Variants in ZCWPW2 observed in about 807,000 individuals in gnomAD.
ZCWPW2 encodes zinc finger CW-type and PWWP domain containing 2.
Under a neutral mutation model 46.6 loss-of-function variants are expected in ZCWPW2, and 45 were observed. That is an observed-to-expected ratio of 0.96 (90% CI 0.76 to 1.24). ZCWPW2 has a LOEUF of 1.24. Among genes scored for constraint, ZCWPW2 ranks in the 50% most tolerant of loss-of-function variants. ZCWPW2 has a pLI of 0.00. For synonymous variants in ZCWPW2, 152 were observed against 137.1 expected, an observed-to-expected ratio of 1.11 and a Z score of -0.76; for missense variants, 429 against 403.9, an observed-to-expected ratio of 1.06 and a Z score of -0.53.
intron 4 of ZCWPW2, among the ~76,000 whole-genome samples, chr3:28,437,664 T>G (rs1488203811): frequency 6.6e-6 from 1 of 152,218 alleles, no homozygotes; most frequent in Non-Finnish European, 1.5e-5. Flanking sequence ...AACTATTCAT[T>G]GATACACTGA....
At chr3:28,396,634 T>C (rs991353575) in intron 2 of ZCWPW2, among the ~76,000 whole-genome samples, 6 of 151,468 alleles carry the variant, frequency 4.0e-5, no homozygotes, top group Non-Finnish European at 1.5e-5. Flanking sequence ...CCCAGGAGAG[T>C]TGCATAATCT....
At chr3:28,431,454 C>G (rs1697255727) in intron 3 of ZCWPW2, among the ~76,000 whole-genome samples, 1 of 151,956 alleles carries the variant, frequency 6.6e-6, no homozygotes, top group African/African-American at 2.4e-5. Context: ...TTGCTGTGCC[C>G]TATCATGGTC....
At chr3:28,376,093 A>G (rs1575064559) in intron 1 of ZCWPW2, among the ~76,000 whole-genome samples, 1 of 152,138 alleles carries the variant, frequency 6.6e-6, no homozygotes, top group East Asian at 1.9e-4. Flanking sequence ...AATCAGTGCT[A>G]CAGCAAACAT....
At chr3:28,464,996 T>C (rs78005069) in intron 4 of ZCWPW2, among the ~76,000 whole-genome samples, 2,008 of 152,344 alleles carry the variant, frequency 0.013, 51 homozygotes, top group African/African-American at 0.045. Flanking sequence ...GAATAATTAT[T>C]TGTTAAATAT....
chr3:28,472,884 A>T (rs778425940), intron 4 of ZCWPW2, among the ~76,000 whole-genome samples: 1 of 152,082 alleles, frequency 6.6e-6, no homozygotes. Context: ...TAGGAAAAAA[A>T]AAACAAACTA....
At chr3:28,509,797 C>T (rs1408244457) in intron 6 of ZCWPW2, among the ~76,000 whole-genome samples, 3 of 151,750 alleles carry the variant, frequency 2.0e-5, no homozygotes, top group South Asian at 4.1e-4. Flanking sequence ...TGATTGTGTC[C>T]GTTAAAATCA....
At chr3:28,427,917 T>C (rs1575121318) in intron 3 of ZCWPW2, 2 of 152,230 alleles carry the variant, frequency 1.3e-5, no homozygotes, top group South Asian at 4.1e-4. Context: ...GTTTTAACAC[T>C]GTAATGTAAC....
chr3:28,386,199 G>T (rs1007516725), intron 1 of ZCWPW2, among the ~76,000 whole-genome samples: 1 of 152,054 alleles, frequency 6.6e-6, no homozygotes, highest in Non-Finnish European at 1.5e-5. Context: ...ATCCTGATCT[G>T]GGAGGATTAA....
intron 2 of ZCWPW2, among the ~76,000 whole-genome samples, chr3:28,402,050 A>G (rs1018726171): frequency 1.3e-5 from 2 of 151,750 alleles, no homozygotes; most frequent in Non-Finnish European, 2.9e-5. Flanking sequence ...ACCAAGCAGA[A>G]GAAAGGAAAC....
intron 5 of ZCWPW2, among the ~76,000 whole-genome samples, chr3:28,484,968 T>C (rs527357786): frequency 6.6e-6 from 1 of 152,268 alleles, no homozygotes; most frequent in Admixed American, 6.5e-5. Context: ...CTTTTTCTTC[T>C]AGTTTCCAAA....
intron 6 of ZCWPW2, among the ~76,000 whole-genome samples, chr3:28,506,094 T>TAA (rs1423621324): frequency 6.8e-6 from 1 of 147,176 alleles, no homozygotes; most frequent in African/African-American, 2.5e-5. Context: ...ATTATATATA[T>TAA]AATATATAAT....
intron 4 of ZCWPW2, among the ~76,000 whole-genome samples, chr3:28,476,348 GT>G (rs1194994053): frequency 6.6e-6 from 1 of 152,080 alleles, no homozygotes; most frequent in Admixed American, 6.6e-5. Context: ...TAGATCCTTA[GT>G]TTTTTGAGTT....
At chr3:28,387,758 C>A (rs1306224801) in intron 1 of ZCWPW2, among the ~76,000 whole-genome samples, 2 of 152,104 alleles carry the variant, frequency 1.3e-5, no homozygotes, top group Non-Finnish European at 2.9e-5. Flanking sequence ...ATTAAACTGG[C>A]AAAATCTTTC....
intron 1 of ZCWPW2, among the ~76,000 whole-genome samples, chr3:28,381,875 A>G (rs1373295338): frequency 1.3e-5 from 2 of 152,158 alleles, no homozygotes; most frequent in Non-Finnish European, 2.9e-5. Context: ...CTTAAAGAAC[A>G]GAAATTTGGC....
At chr3:28,443,030 A>G (rs1697832586) in intron 4 of ZCWPW2, among the ~76,000 whole-genome samples, 1 of 152,160 alleles carries the variant, frequency 6.6e-6, no homozygotes, top group African/African-American at 2.4e-5. Context: ...AAATATGTCT[A>G]TGCGAATTAT....
chr3:28,437,226 G>T (rs1298775577), intron 4 of ZCWPW2, among the ~76,000 whole-genome samples: 2 of 152,152 alleles, frequency 1.3e-5, no homozygotes, highest in African/African-American at 4.8e-5. Flanking sequence ...TCTAAAACCA[G>T]ATGAAGAATG....
At chr3:28,372,861 C>T (rs897097297) in intron 1 of ZCWPW2, among the ~76,000 whole-genome samples, 7 of 152,100 alleles carry the variant, frequency 4.6e-5, no homozygotes, top group South Asian at 2.1e-4. Context: ...CACTTACAAG[C>T]GAGAACTTGT....
chr3:28,395,090 G>A (rs936473843), intron 2 of ZCWPW2, among the ~76,000 whole-genome samples: 1 of 152,002 alleles, frequency 6.6e-6, no homozygotes, highest in Non-Finnish European at 1.5e-5. Context: ...TAGAAAATGA[G>A]CCAACGACTT....
chr3:28,380,322 A>G (rs911333899), intron 1 of ZCWPW2, among the ~76,000 whole-genome samples: 2 of 151,312 alleles, frequency 1.3e-5, no homozygotes, highest in Admixed American at 6.6e-5. Context: ...TCCCCTCACC[A>G]CCCGTATAAA....
Sources: gnomAD v4.1 joint callset for allele counts (sites outside exome capture counted in the v4.1 genomes callset) on GRCh38, gnomAD v4.1.1 for gene constraint, MANE v1.5 for transcripts, NCBI Gene and HGNC (gene_info 2026-07-23, HGNC 2026-07-21) for gene names.